UGGT2: variants seen among roughly 807,000 people sequenced by gnomAD.
The protein encoded by UGGT2 is UDP-glucose glycoprotein glucosyltransferase 2, also known as UDP-glucose:glycoprotein glucosyltransferase 2.
Under a neutral mutation model 192.1 loss-of-function variants are expected in UGGT2, and 180 were observed. The ratio of observed to expected loss-of-function variants is 0.94; its 90% CI spans 0.83 to 1.06. UGGT2 has a LOEUF of 1.06. UGGT2 is among the 50% of genes least tolerant of loss of function. The pLI is 0.00. For synonymous variants in UGGT2, 580 were observed against 591.0 expected (o/e 0.98, Z 0.27); for missense variants, 1,849 against 1,795.7 (o/e 1.03, Z -0.54).
intron 38 of UGGT2, among the ~76,000 whole-genome samples, chr13:95,811,674 T>C (rs1481336178): frequency 6.6e-6 from 1 of 152,124 alleles, no homozygotes; most frequent in Non-Finnish European, 1.5e-5. Flanking sequence ...AACAATGTAA[T>C]ATGGGATTAA....
chr13:95,954,928 G>A (rs1206627423), intron 12 of UGGT2, among the ~76,000 whole-genome samples: 2 of 152,132 alleles, frequency 1.3e-5, no homozygotes, highest in East Asian at 1.9e-4. Flanking sequence ...CCAAAAAACT[G>A]AAATCTGAAA....
At chr13:95,942,689 G>A (rs575802981) in intron 15 of UGGT2, among the ~76,000 whole-genome samples, 5 of 151,992 alleles carry the variant, frequency 3.3e-5, no homozygotes, top group African/African-American at 1.2e-4. Flanking sequence ...ACATCTCATG[G>A]AATATAAATA....
intron 5 of UGGT2, among the ~76,000 whole-genome samples, chr13:96,012,255 A>T (rs2052184886): frequency 6.6e-6 from 1 of 152,038 alleles, no homozygotes; most frequent in African/African-American, 2.4e-5. Context: ...AAACAGAATT[A>T]TATCTCTACC....
At position 95,956,997 on chromosome 13, in the gene UGGT2, A is replaced by G. The variant is rs151140188; in HGVS notation, c.1336-7543T>C. Among the ~76,000 whole-genome samples the G allele has an allele frequency of 9.3e-3, 1,410 of 152,332 alleles. 24 individuals carry two copies. Among genetic ancestry groups the G allele is most frequent in the African/African-American group, 0.032 (1,344 of 41,576 alleles). ...ATTCAATGAAATATTATTCAGTCTT[A>G]AAAAGGAACAAAATTCTGATACATG... On this transcript the variant is annotated intron_variant, in intron 12 of 38. Coordinates refer to ENST00000376747, the MANE Select transcript of UGGT2 (RefSeq NM_020121.4).
At chr13:95,868,029 T>G (rs1890836102) in intron 29 of UGGT2, among the ~76,000 whole-genome samples, 2 of 152,198 alleles carry the variant, frequency 1.3e-5, no homozygotes, top group Admixed American at 6.5e-5. Context: ...AATTATTTTT[T>G]CAAACTATTC....
intron 38 of UGGT2, among the ~76,000 whole-genome samples, chr13:95,807,018 C>T (rs981615171): frequency 2.6e-5 from 4 of 152,126 alleles, no homozygotes; most frequent in Non-Finnish European, 5.9e-5. Flanking sequence ...GGACACTAAA[C>T]CCCTGCACAG....
chr13:95,994,962 G>A (rs181323581), intron 7 of UGGT2, among the ~76,000 whole-genome samples: 2 of 151,902 alleles, frequency 1.3e-5, no homozygotes, highest in Non-Finnish European at 1.5e-5. Flanking sequence ...CCAACCATAG[G>A]TATCGAAAGT....
intron 9 of UGGT2, chr13:95,985,039 A>C (rs530157548): frequency 5.8e-4 from 99 of 171,762 alleles, no homozygotes; most frequent in Admixed American, 9.5e-4. Flanking sequence ...ATATTTTATA[A>C]TTTTTTCTTA....
chr13:96,014,029 A>T (rs1439280697), intron 4 of UGGT2, among the ~76,000 whole-genome samples: 1 of 152,124 alleles, frequency 6.6e-6, no homozygotes, highest in Non-Finnish European at 1.5e-5. Context: ...CTTATTAGTA[A>T]ATTCTATTTC....
intron 12 of UGGT2, among the ~76,000 whole-genome samples, chr13:95,965,855 C>A (rs910081321): frequency 3.3e-5 from 5 of 151,902 alleles, no homozygotes. Flanking sequence ...TCATTTTACC[C>A]CAGTTAGAAT....
chr13:95,961,044 A>G (rs1266288254), intron 12 of UGGT2, among the ~76,000 whole-genome samples: 1 of 152,316 alleles, frequency 6.6e-6, no homozygotes, highest in East Asian at 1.9e-4. Flanking sequence ...AGGGAGTCCT[A>G]TACCCAGAAG....
At chr13:95,867,129 T>A (rs948455361) in intron 30 of UGGT2, among the ~76,000 whole-genome samples, 9 of 152,046 alleles carry the variant, frequency 5.9e-5, no homozygotes, top group Non-Finnish European at 8.8e-5. Flanking sequence ...GTTATCATAA[T>A]GTAAAAAAAA....
chr13:96,014,411 A>G (rs1200771075), intron 4 of UGGT2, among the ~76,000 whole-genome samples: 1 of 152,228 alleles, frequency 6.6e-6, no homozygotes, highest in Non-Finnish European at 1.5e-5. Flanking sequence ...ATTCAATTCT[A>G]GCTTAACTAC....
At chr13:95,865,967 C>T (rs1407566839) in intron 30 of UGGT2, among the ~76,000 whole-genome samples, 2 of 152,176 alleles carry the variant, frequency 1.3e-5, no homozygotes, top group Non-Finnish European at 2.9e-5. Context: ...TCCAAGGTCA[C>T]ACAGCTAGTG....
At chr13:95,971,489 G>A (rs572061820) in intron 11 of UGGT2, among the ~76,000 whole-genome samples, 6 of 152,018 alleles carry the variant, frequency 3.9e-5, no homozygotes, top group African/African-American at 4.8e-5. Context: ...TAGGAGCTGG[G>A]GGGTTTTATT....
At chr13:95,807,999 G>C (rs954673151) in intron 38 of UGGT2, among the ~76,000 whole-genome samples, 9 of 152,010 alleles carry the variant, frequency 5.9e-5, no homozygotes, top group African/African-American at 2.2e-4. Flanking sequence ...AGGTCCTTAT[G>C]ACACCCTGAT....
At chr13:95,995,880 T>G (rs978866967) in intron 7 of UGGT2, 183 bp downstream of exon 7, 4 of 579,970 alleles carry the variant, frequency 6.9e-6, no homozygotes, top group African/African-American at 5.9e-5. Context: ...CTTTTCTGCT[T>G]TCTGTAGCTT....
At chr13:95,854,141 A>T (rs1234174725) in intron 35 of UGGT2, among the ~76,000 whole-genome samples, 174 bp downstream of exon 35, 1 of 152,218 alleles carries the variant, frequency 6.6e-6, no homozygotes, top group East Asian at 1.9e-4. Context: ...TAAAGATTTT[A>T]TGACTTAATA....
chr13:95,891,300 T>A (rs1015467624), intron 24 of UGGT2, among the ~76,000 whole-genome samples: 2 of 152,188 alleles, frequency 1.3e-5, no homozygotes, highest in Non-Finnish European at 2.9e-5. Flanking sequence ...AAGATGCTTT[T>A]GTGTTAGTGG....
Sources: gnomAD v4.1 joint callset for allele counts (sites outside exome capture counted in the v4.1 genomes callset) on GRCh38, gnomAD v4.1.1 for gene constraint, MANE v1.5 for transcripts, NCBI Gene and HGNC (gene_info 2026-07-23, HGNC 2026-07-21) for gene names.